ARFGEF3: variants seen among roughly 807,000 people sequenced by gnomAD.
ARFGEF3 encodes brefeldin A-inhibited guanine nucleotide-exchange protein 3.
A neutral mutation model predicts 221.7 loss-of-function variants in ARFGEF3; 96 were observed. The observed-to-expected ratio is 0.43, with a 90% CI of 0.37 to 0.51. ARFGEF3 has a LOEUF of 0.51. ARFGEF3 is among the 20% of genes least tolerant of loss of function. ARFGEF3 has a pLI of 0.00. For synonymous variants in ARFGEF3, 1,145 were observed against 1,126.8 expected (o/e 1.02, Z -0.32); for missense variants, 2,410 against 2,789.9 (o/e 0.86, Z 3.07).
At chr6:138,245,409 T>C (rs2114559600) in intron 7 of ARFGEF3, 104 bp from the exon 8 acceptor site, 1 of 765,232 alleles carries the variant, frequency 1.3e-6, no homozygotes, top group African/African-American at 1.7e-5. Flanking sequence ...AATCATCTTT[T>C]CAGTCTCAAA....
chr6:138,162,355 C>T lies in ARFGEF3; in HGVS notation c.85+184C>T, dbSNP rs940187646. 2.0e-5 allele frequency among the ~76,000 whole-genome samples: 3 copies of T among 152,200 alleles called. No individual in the cohort carries two copies. Among genetic ancestry groups the T allele is most frequent in the Non-Finnish European group, 4.4e-5 (3 of 68,030 alleles). On this transcript the variant is annotated intron_variant, in intron 1 of 33. Coordinates refer to ENST00000251691, the MANE Select transcript of ARFGEF3 (RefSeq NM_020340.5). The surrounding 1 kb of genome is among the most constrained non-coding windows in gnomAD (Gnocchi z 4.7). ...TGGCTCGGGCGTGGACATCAGCCGC[C>T]TCCCCTCCGGTCTCTTTCACTCTCC...
At chr6:138,230,804 ACTTTC>A (rs1778177743) in intron 5 of ARFGEF3, among the ~76,000 whole-genome samples, 1 of 152,220 alleles carries the variant, frequency 6.6e-6, no homozygotes, top group Non-Finnish European at 1.5e-5. Context: ...TGGAAAGAAC[ACTTTC>A]CTTTAACACA....
At chr6:138,297,089 G>T in intron 21 of ARFGEF3, 134 bp downstream of exon 21, 1 of 948,110 alleles carries the variant, frequency 1.1e-6, no homozygotes, top group Non-Finnish European at 1.5e-6. Flanking sequence ...CTATCACCTG[G>T]TCACAAACAT....
At chr6:138,256,457 C>A (rs1161806846) in intron 10 of ARFGEF3, among the ~76,000 whole-genome samples, 1 of 152,068 alleles carries the variant, frequency 6.6e-6, no homozygotes, top group Non-Finnish European at 1.5e-5. Flanking sequence ...TTATCTCAAC[C>A]CCCACCCCTC....
intron 4 of ARFGEF3, among the ~76,000 whole-genome samples, chr6:138,219,280 A>C (rs1353676568): frequency 1.3e-5 from 2 of 152,110 alleles, no homozygotes; most frequent in African/African-American, 4.8e-5. Context: ...AGTCCTGGGG[A>C]TGGAAACTGA....
At chr6:138,308,710 C>T in intron 23 of ARFGEF3, 29 bp from the exon 24 acceptor site, 1 of 1,613,264 alleles carries the variant, frequency 6.2e-7, no homozygotes, top group Non-Finnish European at 8.5e-7. Context: ...AACTTACTTT[C>T]TTACAATTCT....
rs1360861820 is a variant in ARFGEF3 at position 138,342,441 on chromosome 6, T to C, written c.*5955T>C. ...TCTATACAGCAGTCTTGCTCAATCTTCCCAGTTTCCAGTTTTATTATACCA... is the reference window on the plus strand; with the variant it reads ...TCTATACAGCAGTCTTGCTCAATCTCCCCAGTTTCCAGTTTTATTATACCA... On this transcript the variant is annotated 3_prime_UTR_variant, in exon 34 of 34. Coordinates refer to ENST00000251691, the MANE Select transcript of ARFGEF3 (RefSeq NM_020340.5). The C allele has an allele frequency of 6.6e-6, 1 of 152,158 alleles. No individual in the cohort carries two copies. Among genetic ancestry groups the C allele is most frequent in the Non-Finnish European group, 1.5e-5 (1 of 68,016 alleles). 9.4% of individuals were successfully genotyped at this position (152,158 alleles called of 1,614,324 possible). A position where few individuals can be genotyped will look rare whatever the true frequency, so the allele number is the denominator to read the frequency against.
At chr6:138,229,735 C>T (rs1224796770) in intron 4 of ARFGEF3, 49 bp from the exon 5 acceptor site, 2 of 1,405,298 alleles carry the variant, frequency 1.4e-6, no homozygotes, top group Admixed American at 3.4e-5. Context: ...CAGTGAATTT[C>T]CATACTGTTA....
chr6:138,296,195 C>T (rs1187408986), intron 20 of ARFGEF3, among the ~76,000 whole-genome samples: 1 of 152,120 alleles, frequency 6.6e-6, no homozygotes, highest in Non-Finnish European at 1.5e-5. Flanking sequence ...GAAGGCCAGA[C>T]AGCATGTTAC....
intron 14 of ARFGEF3, among the ~76,000 whole-genome samples, chr6:138,281,741 G>A (rs941237977): frequency 7.2e-5 from 11 of 152,228 alleles, no homozygotes; most frequent in Non-Finnish European, 1.5e-4. Flanking sequence ...ACATGAGAGT[G>A]TAGAGAGCAG....
chr6:138,181,896 A>G (rs1213486159), intron 2 of ARFGEF3, among the ~76,000 whole-genome samples: 1 of 152,196 alleles, frequency 6.6e-6, no homozygotes, highest in African/African-American at 2.4e-5. Context: ...GTTTATATTG[A>G]TGGATTTTAA....
intron 5 of ARFGEF3, among the ~76,000 whole-genome samples, chr6:138,235,119 C>A (rs1778262242): frequency 6.6e-6 from 1 of 152,158 alleles, no homozygotes; most frequent in Non-Finnish European, 1.5e-5. Context: ...TATCAGTCTA[C>A]TTACTCAGTG....
intron 14 of ARFGEF3, among the ~76,000 whole-genome samples, chr6:138,285,431 G>A (rs1259239189): frequency 6.6e-6 from 1 of 150,532 alleles, no homozygotes; most frequent in East Asian, 1.9e-4. Flanking sequence ...TCCAGCCTGG[G>A]CGACAGAGTG....
At chr6:138,290,461 C>T (rs531602587) in intron 18 of ARFGEF3, among the ~76,000 whole-genome samples, 1 of 152,188 alleles carries the variant, frequency 6.6e-6, no homozygotes, top group Non-Finnish European at 1.5e-5. Flanking sequence ...AATCGTACAC[C>T]TCTGCCAAAG....
At chr6:138,271,473 C>T (rs2114605700) in intron 12 of ARFGEF3, among the ~76,000 whole-genome samples, 1 of 152,204 alleles carries the variant, frequency 6.6e-6, no homozygotes, top group Non-Finnish European at 1.5e-5. Flanking sequence ...TTCCTATATG[C>T]CCTGCATTGT....
Position 138,337,202 on chromosome 6 carries a change from CT to C in ARFGEF3, c.*717del. On this transcript the variant is annotated 3_prime_UTR_variant, in exon 34 of 34. Transcript: ENST00000251691. ...GGTTTGAAGTCTGTGGCTTATCAGC[CT>C]GTGACACAGAGTACCCAGTGAAAGT... is the stretch of plus-strand genomic sequence containing the variant. 1 of 152,694 alleles carries C rather than the reference CT, an allele frequency of 6.5e-6. No individual in the cohort carries two copies. Among genetic ancestry groups the C allele is most frequent in the Middle Eastern group, 3.4e-3 (1 of 294 alleles). 9.5% of individuals were successfully genotyped at this position (152,694 alleles called of 1,614,324 possible).
At chr6:138,296,000 G>C (rs1479223781) in intron 20 of ARFGEF3, among the ~76,000 whole-genome samples, 1 of 152,202 alleles carries the variant, frequency 6.6e-6, no homozygotes, top group Non-Finnish European at 1.5e-5. Flanking sequence ...GAGGCAATAG[G>C]ACATGAGCAG....
At chr6:138,313,967 G>T (rs1779874761) in intron 26 of ARFGEF3, 28 bp downstream of exon 26, 1 of 1,608,140 alleles carries the variant, frequency 6.2e-7, no homozygotes, top group Non-Finnish European at 8.5e-7. Flanking sequence ...ACTAAACTAG[G>T]TTATTTGCTG....
At chr6:138,215,055 C>A (rs1041415127) in intron 4 of ARFGEF3, among the ~76,000 whole-genome samples, 1 of 152,210 alleles carries the variant, frequency 6.6e-6, no homozygotes, top group Non-Finnish European at 1.5e-5. Context: ...AGGTTAAATA[C>A]TTGTCTGCTT....
Sources: gnomAD v4.1 joint callset for allele counts (sites outside exome capture counted in the v4.1 genomes callset) on GRCh38, gnomAD v4.1.1 for gene constraint, Gnocchi (gnomAD v3.1) non-coding constraint, MANE v1.5 for transcripts, NCBI Gene and HGNC (gene_info 2026-07-23, HGNC 2026-07-21) for gene names.